CNTNAP2: variants seen among roughly 807,000 people sequenced by gnomAD.
CNTNAP2 encodes contactin associated protein 2, also known as contactin-associated protein-like 2.
CNTNAP2 carries 98 observed loss-of-function variants against 155.2 expected under a neutral mutation model. That is an observed-to-expected ratio of 0.63 (90% CI 0.54 to 0.75). The LOEUF is 0.75. Ranked by LOEUF, CNTNAP2 falls within the 30% of genes least tolerant of loss-of-function variation. CNTNAP2 has a pLI of 0.00. For missense variants in CNTNAP2, 1,727 were observed against 1,688.1 expected (o/e 1.02, Z -0.40); for synonymous variants, 651 against 631.2 (o/e 1.03, Z -0.47).
chr7:147,983,078 C>T (rs564777103), intron 15 of CNTNAP2, among the ~76,000 whole-genome samples: 2 of 150,940 alleles, frequency 1.3e-5, no homozygotes, highest in Admixed American at 6.6e-5. Context: ...TCGGTCTCCA[C>T]GTTGTTTCTG....
At chr7:148,010,760 C>G (rs1802066734) in intron 15 of CNTNAP2, among the ~76,000 whole-genome samples, 2 of 151,980 alleles carry the variant, frequency 1.3e-5, no homozygotes, top group South Asian at 2.1e-4. Context: ...CCTCTGCCCC[C>G]ACATATGCAC....
rs139207177 is a variant in CNTNAP2 at position 148,301,950 on chromosome 7, C to T, written c.3475+34824C>T. ...TAGCCTTGAATAATCACTGGGACCT[C>T]AGTTCCTGCTGTATGACACCAAGGC... is the stretch of plus-strand genomic sequence containing the variant. On this transcript the variant is annotated intron_variant, in intron 21 of 23. Transcript: ENST00000361727. Among the ~76,000 whole-genome samples the T allele has an allele frequency of 1.7e-3, 257 of 152,362 alleles. 1 individual carries two copies. The highest frequency in any genetic ancestry group is 2.7e-3 in the Non-Finnish European group (185 of 68,028).
At chr7:146,761,539 T>C (rs983939716) in intron 1 of CNTNAP2, among the ~76,000 whole-genome samples, 1 of 152,158 alleles carries the variant, frequency 6.6e-6, no homozygotes, top group Non-Finnish European at 1.5e-5. Flanking sequence ...AGTTTGTTTG[T>C]TTTTGTCTCT....
rs572363984 is a variant in CNTNAP2, at chr7:148,334,607, G to A, written c.3476-49042G>A. On this transcript the variant is annotated intron_variant, in intron 21 of 23. Transcript: ENST00000361727. Reference sequence around the variant, plus strand: ...GAAATAGCCCCATCTGGTTGTGCAGGAACCACAGGCTGCACTAGCTGCTTT... The same window carrying A: ...GAAATAGCCCCATCTGGTTGTGCAGAAACCACAGGCTGCACTAGCTGCTTT... Among the ~76,000 whole-genome samples, 328 of 152,274 alleles carry A rather than the reference G, an allele frequency of 2.2e-3. 1 individual carries two copies. Among genetic ancestry groups the A allele is most frequent in the African/African-American group, 7.4e-3 (306 of 41,550 alleles).
At chr7:146,451,380 A>G (rs939511486) in intron 1 of CNTNAP2, among the ~76,000 whole-genome samples, 3 of 152,154 alleles carry the variant, frequency 2.0e-5, no homozygotes, top group African/African-American at 7.2e-5. Context: ...CATTAACTCA[A>G]TCAAACCATC....
At chr7:147,849,784 C>T (rs1046106134) in intron 13 of CNTNAP2, 1 of 152,226 alleles carries the variant, frequency 6.6e-6, no homozygotes, top group African/African-American at 2.4e-5. Context: ...GTGAGATGGT[C>T]ATCACTTTCA....
chr7:148,091,786 T>C (rs551319776), intron 15 of CNTNAP2, among the ~76,000 whole-genome samples: 1 of 152,254 alleles, frequency 6.6e-6, no homozygotes, highest in East Asian at 1.9e-4. Context: ...GCCTCAAAGA[T>C]ACTACAAGCA....
chr7:146,120,411 G>T (rs73160670), intron 1 of CNTNAP2, among the ~76,000 whole-genome samples: 8,298 of 152,170 alleles, frequency 0.055, 250 homozygotes, highest in Middle Eastern at 0.099. Context: ...GGATATTCAG[G>T]AAGTAAGAAT....
intron 8 of CNTNAP2, among the ~76,000 whole-genome samples, chr7:147,155,177 A>T (rs548698564): frequency 1.1e-4 from 17 of 152,102 alleles, no homozygotes; most frequent in Non-Finnish European, 2.1e-4. Context: ...CTCATGAGTG[A>T]TGTTAGTGCC....
Position 147,792,328 on chromosome 7 carries a change from A to T in CNTNAP2, c.2099-111237A>T, listed in dbSNP as rs77292759. On this transcript the variant is annotated intron_variant, in intron 13 of 23. Transcript: ENST00000361727. ...CCGAAAAGAAACCCCATACCCATGAATAACCATTTTCTATCTCCGCCAACT... is the reference window on the plus strand; with the variant it reads ...CCGAAAAGAAACCCCATACCCATGATTAACCATTTTCTATCTCCGCCAACT... 8.8e-3 allele frequency among the ~76,000 whole-genome samples: 1,335 copies of T among 152,086 alleles called. 28 individuals are homozygous for T. The highest frequency in any genetic ancestry group is 0.031 in the African/African-American group (1,264 of 41,394).
At chr7:147,305,709 T>A (rs143742565) in intron 9 of CNTNAP2, among the ~76,000 whole-genome samples, 59 of 152,324 alleles carry the variant, frequency 3.9e-4, no homozygotes, top group African/African-American at 1.3e-3. Flanking sequence ...AACAAACTTT[T>A]TGAAGGTACG....
At chr7:147,169,778 T>C (rs767159238) in intron 8 of CNTNAP2, among the ~76,000 whole-genome samples, 8 of 152,132 alleles carry the variant, frequency 5.3e-5, no homozygotes, top group Non-Finnish European at 1.2e-4. Context: ...TAAAACTGAA[T>C]CAGTAATAAA....
At chr7:146,872,874 T>G (rs1009024236) in intron 3 of CNTNAP2, among the ~76,000 whole-genome samples, 2 of 152,212 alleles carry the variant, frequency 1.3e-5, no homozygotes, top group Non-Finnish European at 2.9e-5. Context: ...AGGGTCAGTA[T>G]AGTTGAGAAA....
chr7:148,090,301 C>A (rs1249388703), intron 15 of CNTNAP2, among the ~76,000 whole-genome samples: 5 of 151,990 alleles, frequency 3.3e-5, no homozygotes, highest in Non-Finnish European at 5.9e-5. Context: ...AGGAAACAAT[C>A]CAACAGACTG....
At chr7:148,195,934 C>T (rs1442524486) in intron 18 of CNTNAP2, among the ~76,000 whole-genome samples, 4 of 152,180 alleles carry the variant, frequency 2.6e-5, no homozygotes, top group Non-Finnish European at 5.9e-5. Context: ...CGCATCCTTA[C>T]AAATGCATTC....
chr7:148,317,724 G>A (rs904170203), intron 21 of CNTNAP2, among the ~76,000 whole-genome samples: 4 of 150,044 alleles, frequency 2.7e-5, no homozygotes, highest in Admixed American at 1.3e-4. Flanking sequence ...TTTTTTAGAC[G>A]GAGTCTTGCT....
intron 5 of CNTNAP2, among the ~76,000 whole-genome samples, chr7:147,110,549 C>G (rs1352281187): frequency 3.3e-5 from 5 of 152,038 alleles, no homozygotes; most frequent in Admixed American, 1.3e-4. Flanking sequence ...CCGACAGACC[C>G]CATGTGTGTT....
At chr7:147,049,855 T>C (rs1799440150) in intron 4 of CNTNAP2, among the ~76,000 whole-genome samples, 1 of 152,144 alleles carries the variant, frequency 6.6e-6, no homozygotes, top group African/African-American at 2.4e-5. Flanking sequence ...CATCTTTCCT[T>C]TGTGCAGTTC....
At chr7:148,409,852 C>T (rs1799789976) in intron 23 of CNTNAP2, among the ~76,000 whole-genome samples, 1 of 77,650 alleles carries the variant, frequency 1.3e-5, no homozygotes. Flanking sequence ...GAGATCGAGA[C>T]CATCTTGGCT....
Sources: gnomAD v4.1 joint callset for allele counts (sites outside exome capture counted in the v4.1 genomes callset) on GRCh38, gnomAD v4.1.1 for gene constraint, MANE v1.5 for transcripts, NCBI Gene and HGNC (gene_info 2026-07-23, HGNC 2026-07-21) for gene names.